SLC2A13: variants seen among roughly 807,000 people sequenced by gnomAD.
The protein encoded by SLC2A13 is proton myo-inositol cotransporter.
Under a neutral mutation model 64.4 loss-of-function variants are expected in SLC2A13, and 32 were observed. That is an observed-to-expected ratio of 0.50 (90% confidence interval 0.37 to 0.67). The LOEUF is 0.67. Among genes scored for constraint, SLC2A13 ranks in the 30% least tolerant of loss-of-function variants. The probability of loss-of-function intolerance (pLI) is 0.00; values close to 1 mark genes in which losing one functional copy is unlikely to be tolerated. For missense variants in SLC2A13, 743 were observed against 829.2 expected (o/e 0.90, Z 1.28); for synonymous variants, 338 against 327.1 (o/e 1.03, Z -0.36).
intron 6 of SLC2A13, among the ~76,000 whole-genome samples, chr12:39,864,502 A>G (rs1055302826): frequency 6.6e-6 from 1 of 152,146 alleles, no homozygotes; most frequent in Non-Finnish European, 1.5e-5. Flanking sequence ...ATCAATCCCT[A>G]ATTTTAATTT....
chr12:39,799,882 G>C (rs1566804127), intron 7 of SLC2A13, among the ~76,000 whole-genome samples: 1 of 152,182 alleles, frequency 6.6e-6, no homozygotes, highest in East Asian at 1.9e-4. Flanking sequence ...GATTGGTGCA[G>C]AGAGAATCAA....
At chr12:40,060,237 G>A (rs542691328) in intron 1 of SLC2A13, among the ~76,000 whole-genome samples, 1 of 152,100 alleles carries the variant, frequency 6.6e-6, no homozygotes. Context: ...ATAGGTATAT[G>A]GCTAAAGATA....
At chr12:39,877,634 A>G (rs1944221852) in intron 4 of SLC2A13, among the ~76,000 whole-genome samples, 1 of 152,210 alleles carries the variant, frequency 6.6e-6, no homozygotes, top group Non-Finnish European at 1.5e-5. Flanking sequence ...CTAATTTTTA[A>G]AAGTCAGGTC....
At chr12:40,092,089 T>C (rs1291241524) in intron 1 of SLC2A13, among the ~76,000 whole-genome samples, 3 of 152,142 alleles carry the variant, frequency 2.0e-5, no homozygotes, top group Non-Finnish European at 4.4e-5. Context: ...TGGGCAGTAA[T>C]AGAGGTGTCA....
intron 2 of SLC2A13, among the ~76,000 whole-genome samples, chr12:40,046,305 C>T (rs1480352565): frequency 1.3e-5 from 2 of 152,152 alleles, no homozygotes; most frequent in African/African-American, 2.4e-5. Context: ...CCAACACCTC[C>T]GCTTTTACAC....
At chr12:39,951,030 G>A (rs2136100789) in intron 4 of SLC2A13, 3 of 421,426 alleles carry the variant, frequency 7.1e-6, no homozygotes, top group Non-Finnish European at 1.2e-5. Flanking sequence ...AAATTTTATG[G>A]AATCAAATAA....
chr12:39,830,342 C>G, intron 6 of SLC2A13, 114 bp from the exon 7 acceptor site: 1 of 1,469,944 alleles, frequency 6.8e-7, no homozygotes, highest in East Asian at 2.4e-5. Context: ...AAGCTTGGGG[C>G]CTTGGGACTT....
At chr12:39,977,413 AT>A in intron 3 of SLC2A13, among the ~76,000 whole-genome samples, 1 of 152,340 alleles carries the variant, frequency 6.6e-6, no homozygotes, top group East Asian at 1.9e-4. Context: ...TGTTGCAGAG[AT>A]TATTTTGTCT....
At chr12:39,797,828 C>T (rs1941635059) in intron 7 of SLC2A13, among the ~76,000 whole-genome samples, 1 of 151,554 alleles carries the variant, frequency 6.6e-6, no homozygotes, top group Admixed American at 6.6e-5. Context: ...ATATTCTATC[C>T]ATGTAAACAT....
At chr12:39,943,805 G>A (rs1946084276) in intron 4 of SLC2A13, among the ~76,000 whole-genome samples, 1 of 152,182 alleles carries the variant, frequency 6.6e-6, no homozygotes, top group East Asian at 1.9e-4. Flanking sequence ...TTTTCCCACG[G>A]TCTTTGCAAA....
intron 7 of SLC2A13, chr12:39,829,553 A>G (rs1455114732): frequency 6.4e-6 from 1 of 157,452 alleles, no homozygotes; most frequent in African/African-American, 2.4e-5. Context: ...AGCTGGGATT[A>G]CAGGCATGTG....
At chr12:39,833,022 G>A (rs1251185326) in intron 6 of SLC2A13, among the ~76,000 whole-genome samples, 1 of 152,008 alleles carries the variant, frequency 6.6e-6, no homozygotes, top group African/African-American at 2.4e-5. Flanking sequence ...TTAGCCCCCT[G>A]ATTTCTAAGT....
chr12:39,826,279 T>C (rs769345588), intron 7 of SLC2A13, among the ~76,000 whole-genome samples: 4 of 152,020 alleles, frequency 2.6e-5, no homozygotes, highest in South Asian at 2.1e-4. Flanking sequence ...TTAGTACTTA[T>C]CTAATTTTTT....
intron 4 of SLC2A13, among the ~76,000 whole-genome samples, chr12:39,900,346 T>C (rs1042076023): frequency 2.6e-5 from 4 of 151,876 alleles, no homozygotes; most frequent in African/African-American, 9.7e-5. Flanking sequence ...GCCAGGGCGA[T>C]TAGGCAGAAA....
At chr12:39,876,357 T>C (rs960068868) in intron 4 of SLC2A13, among the ~76,000 whole-genome samples, 2 of 152,212 alleles carry the variant, frequency 1.3e-5, no homozygotes, top group Admixed American at 1.3e-4. Context: ...GAATACTTCA[T>C]ATGCTTAACA....
rs1395806566 is a variant in SLC2A13, at chr12:39,959,779, A to ATAAATAATTTTATTTAT, written c.926-8415_926-8414insATAAATAAAATTATTTA. Among the ~76,000 whole-genome samples, 47 of 152,330 alleles carry ATAAATAATTTTATTTAT rather than the reference A, an allele frequency of 3.1e-4. No homozygotes were observed. The East Asian group carries it at 8.7e-3, about 28-fold the overall frequency. ...AGAAAACTTTTATTTAAAAAGAGGA[A>ATAAATAATTTTATTTAT]GTATCCTTTCTAAATAAATAATTTT... On this transcript the variant is annotated intron_variant, in intron 3 of 9. Transcript: ENST00000280871.
At chr12:39,927,214 G>A (rs550875316) in intron 4 of SLC2A13, among the ~76,000 whole-genome samples, 50 of 152,224 alleles carry the variant, frequency 3.3e-4, no homozygotes, top group African/African-American at 1.1e-3. Flanking sequence ...TTTATGAAAT[G>A]ATCCACTACA....
intron 4 of SLC2A13, among the ~76,000 whole-genome samples, chr12:39,893,119 GA>G (rs1217544909): frequency 6.6e-6 from 1 of 152,036 alleles, no homozygotes; most frequent in African/African-American, 2.4e-5. Flanking sequence ...AGTATTAAAT[GA>G]AAAAACCCAA....
chr12:40,065,496 G>T (rs756256589), intron 1 of SLC2A13, among the ~76,000 whole-genome samples: 1 of 151,978 alleles, frequency 6.6e-6, no homozygotes, highest in Non-Finnish European at 1.5e-5. Flanking sequence ...GAGGCAAGAG[G>T]ATCACTTGAG....
Sources: gnomAD v4.1 joint callset for allele counts (sites outside exome capture counted in the v4.1 genomes callset) on GRCh38, gnomAD v4.1.1 for gene constraint, MANE v1.5 for transcripts, NCBI Gene and HGNC (gene_info 2026-07-23, HGNC 2026-07-21) for gene names.